Variants in OCM2 observed in about 807,000 individuals in gnomAD.
The protein encoded by OCM2 is oncomodulin-2.
A neutral mutation model predicts 13.6 loss-of-function variants in OCM2; 6 were observed. The observed-to-expected ratio is 0.44, with a 90% CI of 0.24 to 0.87. OCM2 has a LOEUF of 0.87. Among genes scored for constraint, OCM2 ranks in the 40% least tolerant of loss-of-function variants. The pLI is 0.22. For synonymous variants in OCM2, 40 were observed against 50.7 expected (o/e 0.79, Z 0.90); for missense variants, 118 against 136.8 (o/e 0.86, Z 0.68).
intron 2 of OCM2, 144 bp from the exon 3 acceptor site, chr7:97,987,300 A>C: frequency 1.1e-6 from 1 of 902,260 alleles, no homozygotes; most frequent in Admixed American, 2.6e-5. Flanking sequence ...GGTTTCCTTA[A>C]GCTGTAGAAA....
Position 97,989,996 on chromosome 7 carries a change from G to A in OCM2, c.61+48C>T, listed in dbSNP as rs761594054. The A allele has an allele frequency of 1.1e-5, 17 of 1,592,244 alleles. No homozygotes were observed. In the African/African-American group the frequency reaches 1.9e-4, roughly 18 times the overall value. On this transcript the variant is annotated intron_variant, in intron 1 of 3. Transcript: ENST00000257627. ...TTTGATTTTGTGTTGCCTCGCTGGA[G>A]GGGCAAAGCTGTGAGGAAATCCCAC...
At chr7:97,984,704 T>C (rs529945787) in exon 4 of OCM2, 8 of 508,214 alleles carry the variant, frequency 1.6e-5, no homozygotes, top group East Asian at 3.2e-5. Context: ...CCTGTCTTTA[T>C]TGGGTGATTT....
exon 3 of OCM2, chr7:97,987,151 A>G (rs1794680341): frequency 2.5e-6 from 4 of 1,613,442 alleles, no homozygotes; most frequent in Non-Finnish European, 3.4e-6. Context: ...CTTCTGGAGG[A>G]AAAACCTACA....
Position 97,985,044 on chromosome 7 carries a change from C to T in OCM2, c.305-61G>A, listed in dbSNP as rs115162473. The T allele has an allele frequency of 2.7e-3, 4,278 of 1,611,622 alleles. 49 individuals are homozygous for T. The highest frequency in any genetic ancestry group is 0.026 in the African/African-American group (1,978 of 74,916). ...GTGGCTTCGTTCTTTACAGACATGC[C>T]GTGGCCAGTGAGAATTCCAAAGAGG... is the stretch of plus-strand genomic sequence containing the variant. On this transcript the variant is annotated intron_variant, in intron 3 of 3. Transcript: ENST00000257627.
At chr7:97,988,929 CTTTCT>C (rs1184982137) in intron 1 of OCM2, among the ~76,000 whole-genome samples, 12 of 109,106 alleles carry the variant, frequency 1.1e-4, no homozygotes, top group Non-Finnish European at 1.3e-4. Context: ...CGATTTCTTT[CTTTCT>C]TTTTTTTTTT....
chr7:97,988,396 A>G lies in OCM2; in HGVS notation c.194+20T>C, dbSNP rs1794693478. On this transcript the variant is annotated intron_variant, in intron 2 of 3. Coordinates refer to ENST00000257627, the Ensembl canonical transcript of OCM2. The stretch of plus-strand genomic sequence containing the variant: ...CACCCAGCAGTGCCAGGTACCAGAC[A>G]GCCTCAGGACAAAGCTTACTTAAGC... The G allele has an allele frequency of 1.2e-6, 2 of 1,613,870 alleles. No homozygotes were observed. Among genetic ancestry groups the G allele is most frequent in the Admixed American group, 3.3e-5 (2 of 59,974 alleles).
intron 2 of OCM2, among the ~76,000 whole-genome samples, chr7:97,987,493 A>AC (rs1447045057): frequency 2.7e-5 from 4 of 150,360 alleles, no homozygotes; most frequent in South Asian, 2.1e-4. Flanking sequence ...CTAAAGGTGC[A>AC]CCCCCCCATG....
chr7:97,989,535 G>A (rs920209831), intron 1 of OCM2, among the ~76,000 whole-genome samples: 5 of 151,784 alleles, frequency 3.3e-5, no homozygotes, highest in African/African-American at 1.2e-4. Context: ...GAGTAGCTGG[G>A]ACCACAGGCA....
chr7:97,985,955 C>A (rs1584169425), intron 3 of OCM2, among the ~76,000 whole-genome samples: 1 of 151,944 alleles, frequency 6.6e-6, no homozygotes, highest in East Asian at 1.9e-4. Context: ...TCTTGTTGCC[C>A]AGGCTGGAGT....
chr7:97,987,095 A>G (rs141913315), exon 3 of OCM2: 11 of 1,613,758 alleles, frequency 6.8e-6, no homozygotes, highest in African/African-American at 2.7e-5. Context: ...GCAGCCATCA[A>G]GGACTTGGTT....
At chr7:97,986,265 G>T (rs1242440515) in intron 3 of OCM2, among the ~76,000 whole-genome samples, 1 of 151,718 alleles carries the variant, frequency 6.6e-6, no homozygotes, top group African/African-American at 2.4e-5. Context: ...GTTTTTATGA[G>T]CTATCTATCT....
Position 97,984,998 on chromosome 7 carries a change from G to T in OCM2, c.305-15C>A. 6.2e-7 allele frequency: 1 copy of T among 1,614,108 alleles called. No individual in the cohort carries two copies. On this transcript the variant is annotated splice_polypyrimidine_tract_variant and intron_variant, in intron 3 of 3. Transcript: ENST00000257627. The stretch of plus-strand genomic sequence containing the variant: ...TTCCTGGAATTCTAGAACAGAAGAG[G>T]TGAGAACAGGGTCAGTGGAGGTGGC...
chr7:97,986,996 G>A (rs1360123376), intron 3 of OCM2, 51 bp downstream of exon 3: 18 of 1,608,142 alleles, frequency 1.1e-5, no homozygotes, highest in Middle Eastern at 1.7e-4. Context: ...AACCCCTCAC[G>A]GATGCTTCCT....
intron 3 of OCM2, among the ~76,000 whole-genome samples, chr7:97,986,633 C>T (rs1470158662): frequency 1.3e-5 from 2 of 152,132 alleles, no homozygotes; most frequent in Non-Finnish European, 2.9e-5. Context: ...AAGAGGCCTT[C>T]CTACGCATGC....
intron 3 of OCM2, among the ~76,000 whole-genome samples, chr7:97,985,455 G>GAAAGAAA (rs1338762609): frequency 2.0e-5 from 3 of 146,888 alleles, no homozygotes; most frequent in Non-Finnish European, 4.5e-5. Context: ...AAGAAAGAAA[G>GAAAGAAA]AAAAAAACCC....
At chr7:97,985,293 C>T (rs1014472822) in intron 3 of OCM2, among the ~76,000 whole-genome samples, 3 of 151,992 alleles carry the variant, frequency 2.0e-5, no homozygotes, top group South Asian at 2.1e-4. Context: ...GTGGCATGTG[C>T]CTGTAGTCCC....
intron 1 of OCM2, 24 bp downstream of exon 1, chr7:97,990,020 A>AGGGGG: frequency 1.2e-5 from 8 of 644,624 alleles, no homozygotes; most frequent in Non-Finnish European, 2.2e-5. Context: ...AGGAAATCCC[A>AGGGGG]CCCCCGCCCC....
At chr7:97,986,178 G>T (rs566316463) in intron 3 of OCM2, among the ~76,000 whole-genome samples, 11 of 152,306 alleles carry the variant, frequency 7.2e-5, no homozygotes, top group Admixed American at 7.2e-4. Flanking sequence ...CTCCAAAAGT[G>T]CTGGGATTAT....
At chr7:97,988,120 G>A (rs367874366) in intron 2 of OCM2, among the ~76,000 whole-genome samples, 1 of 152,062 alleles carries the variant, frequency 6.6e-6, no homozygotes, top group Non-Finnish European at 1.5e-5. Flanking sequence ...GAGTTTGGAA[G>A]GCGGAGGCTG....
Sources: allele counts gnomAD v4.1 joint callset (sites outside exome capture counted in the v4.1 genomes callset), GRCh38; gene constraint gnomAD v4.1.1; transcripts MANE v1.5; gene names NCBI Gene and HGNC (gene_info 2026-07-23, HGNC 2026-07-21).